Variants in S100A8 observed in about 807,000 individuals in gnomAD.
S100A8 encodes the protein S100 calcium binding protein A8.
In S100A8, 1 loss-of-function variant was observed where a neutral mutation model predicts 4.2. The ratio of observed to expected loss-of-function variants is 0.24; its 90% CI spans 0.08 to 1.12. The LOEUF (loss-of-function observed/expected upper bound fraction) is 1.12. S100A8 is among the 50% of genes most tolerant of loss of function. The pLI, the probability that S100A8 is intolerant of heterozygous loss-of-function variation, is 0.53. For synonymous variants in S100A8, 41 were observed against 44.7 expected (o/e 0.92, Z 0.33); for missense variants, 96 against 111.8 (o/e 0.86, Z 0.64).
chr1:153,414,723 C>A, the S100A8 span, among the ~76,000 whole-genome samples: 1 of 152,202 alleles, frequency 6.6e-6, no homozygotes, highest in Non-Finnish European at 1.5e-5. Flanking sequence ...AAAAACTAAA[C>A]ATACTCTTAC....
the S100A8 span, among the ~76,000 whole-genome samples, chr1:153,415,567 A>T: frequency 1.5e-4 from 23 of 152,274 alleles, no homozygotes; most frequent in African/African-American, 5.5e-4. Flanking sequence ...GTTAGGGCAC[A>T]TTATAGCCAA....
In S100A8 at chr1:153,390,190, T is replaced by C. The variant is rs753352129; in HGVS notation, c.195A>G (p.Ala65=). 4 of 1,614,004 alleles carry C rather than the reference T, an allele frequency of 2.5e-6. No homozygotes were observed. Among genetic ancestry groups the C allele is most frequent in the East Asian group, 2.2e-5 (1 of 44,890 alleles). Residue 65 remains alanine, a synonymous_variant, in exon 3 of 3, where the codon GCA becomes GCG. Transcript: ENST00000368733. ...FKELDINTDG[A]VNFQEFLILV... is the part of the protein sequence containing the mutation. ...GAATGAGGAACTCCTGGAAGTTAAC[T>C]GCACCATCAGTGTTGATATCCAACT...
At chr1:153,400,730 A>T in the S100A8 span, among the ~76,000 whole-genome samples, 2 of 152,216 alleles carry the variant, frequency 1.3e-5, no homozygotes, top group Non-Finnish European at 2.9e-5. Context: ...AGCTACAAAA[A>T]ATTGTATCGA....
At chr1:153,397,422 G>A in the S100A8 span, among the ~76,000 whole-genome samples, 2 of 152,238 alleles carry the variant, frequency 1.3e-5, no homozygotes, top group African/African-American at 4.8e-5. Flanking sequence ...GAGCCCTGGA[G>A]CTGTCCAGGT....
At chr1:153,404,446 A>G in the S100A8 span, among the ~76,000 whole-genome samples, 1 of 152,066 alleles carries the variant, frequency 6.6e-6, no homozygotes, top group Non-Finnish European at 1.5e-5. Context: ...CACACTCAGC[A>G]TGACTGGAAG....
the S100A8 span, among the ~76,000 whole-genome samples, chr1:153,411,131 G>C: frequency 6.6e-6 from 1 of 152,276 alleles, no homozygotes; most frequent in Admixed American, 6.5e-5. Flanking sequence ...TCTGGCCAGG[G>C]CAATCAGGCA....
upstream of S100A8, among the ~76,000 whole-genome samples, chr1:153,394,192 C>A (rs1004994224): frequency 3.3e-5 from 5 of 152,222 alleles, no homozygotes; most frequent in Non-Finnish European, 7.3e-5. Flanking sequence ...ACAGACCTGA[C>A]AGGTCCATCC....
At chr1:153,418,152 G>A in the S100A8 span, 2 of 1,614,084 alleles carry the variant, frequency 1.2e-6, no homozygotes, top group South Asian at 2.2e-5. Context: ...CACCGGACGT[G>A]ATGGCAAGAT....
chr1:153,405,280 T>C, the S100A8 span, among the ~76,000 whole-genome samples: 1 of 151,012 alleles, frequency 6.6e-6, no homozygotes. Context: ...ACCTCCCTTA[T>C]CAGGCTAACA....
At chr1:153,418,286 C>T in the S100A8 span, 3 of 1,604,354 alleles carry the variant, frequency 1.9e-6, no homozygotes, top group Non-Finnish European at 2.6e-6. Flanking sequence ...ATACATTTTG[C>T]TATGTGGCCT....
chr1:153,400,220 G>A, the S100A8 span, among the ~76,000 whole-genome samples: 1 of 152,186 alleles, frequency 6.6e-6, no homozygotes, highest in Non-Finnish European at 1.5e-5. Flanking sequence ...ATGGACGGGA[G>A]GTGAAAGAGA....
the S100A8 span, among the ~76,000 whole-genome samples, chr1:153,410,851 T>G: frequency 6.6e-6 from 1 of 152,014 alleles, no homozygotes; most frequent in African/African-American, 2.4e-5. Context: ...ATGTAATCCG[T>G]CATATAAACA....
At chr1:153,403,874 A>C in the S100A8 span, among the ~76,000 whole-genome samples, 21,822 of 152,070 alleles carry the variant, frequency 0.14, 1,766 homozygotes, top group African/African-American at 0.23. Context: ...CCTAACTACC[A>C]AGAGTTAGCA....
upstream of S100A8, chr1:153,391,257 G>A (rs1017287791): frequency 4.2e-6 from 4 of 963,348 alleles, no homozygotes; most frequent in African/African-American, 7.0e-5. Context: ...GAAGCGGAAA[G>A]AGGAAGGCAT....
chr1:153,408,547 C>G, the S100A8 span, among the ~76,000 whole-genome samples: 17 of 152,174 alleles, frequency 1.1e-4, no homozygotes, highest in African/African-American at 4.1e-4. Flanking sequence ...AGCTGGAAAA[C>G]AGTCTGCAGG....
At chr1:153,416,362 C>A in the S100A8 span, among the ~76,000 whole-genome samples, 71 of 152,270 alleles carry the variant, frequency 4.7e-4, no homozygotes, top group East Asian at 1.7e-3. Context: ...GACCTGGGAC[C>A]CTGGCCAGAA....
At chr1:153,395,380 C>T (rs1214327144), upstream of S100A8, among the ~76,000 whole-genome samples, 1 of 152,148 alleles carries the variant, frequency 6.6e-6, no homozygotes, top group Non-Finnish European at 1.5e-5. Context: ...AGACTGGCTC[C>T]CACCCAGGCA....
the S100A8 span, chr1:153,422,499 G>T: frequency 1.0e-6 from 1 of 984,470 alleles, no homozygotes; most frequent in Non-Finnish European, 1.2e-6. Context: ...ATACTTGACA[G>T]CTCTATGCCC....
At chr1:153,416,632 G>C in the S100A8 span, 1 of 417,088 alleles carries the variant, frequency 2.4e-6, no homozygotes, top group South Asian at 2.1e-5. Context: ...CTGCCTGTAG[G>C]AAGGGAAAGG....
Sources: allele counts gnomAD v4.1 joint callset (sites outside exome capture counted in the v4.1 genomes callset), GRCh38; gene constraint gnomAD v4.1.1; transcripts MANE v1.5; gene names NCBI Gene and HGNC (gene_info 2026-07-23, HGNC 2026-07-21).